Variants in SEC24B observed in about 807,000 individuals in gnomAD.
SEC24B encodes SEC24 homolog B, COPII component.
SEC24B carries 45 observed loss-of-function variants against 142.8 expected under a neutral mutation model. The ratio of observed to expected loss-of-function variants is 0.32; its 90% CI spans 0.25 to 0.40. The LOEUF (loss-of-function observed/expected upper bound fraction) is 0.40. Among genes scored for constraint, SEC24B ranks in the 10% least tolerant of loss-of-function variants. SEC24B has a pLI of 1.00. For missense variants in SEC24B, 1,409 were observed against 1,526.8 expected (o/e 0.92, Z 1.29); for synonymous variants, 574 against 568.2 (o/e 1.01, Z -0.15).
intron 10 of SEC24B, among the ~76,000 whole-genome samples, chr4:109,516,078 C>T (rs1722831328): frequency 6.6e-6 from 1 of 152,070 alleles, no homozygotes; most frequent in Non-Finnish European, 1.5e-5. Flanking sequence ...ATAATACCAT[C>T]ACAAGGACTT....
chr4:109,439,947 C>T (rs537382656), intron 1 of SEC24B, among the ~76,000 whole-genome samples: 5 of 151,308 alleles, frequency 3.3e-5, no homozygotes, highest in African/African-American at 1.2e-4. Context: ...AGGATGAAAC[C>T]CGTCTCTACT....
At chr4:109,482,973 T>TACAC (rs1243190224) in intron 4 of SEC24B, among the ~76,000 whole-genome samples, 2 of 61,414 alleles carry the variant, frequency 3.3e-5, no homozygotes, top group East Asian at 3.8e-4. Flanking sequence ...TATATATATA[T>TACAC]ATATATACAC....
At position 109,540,205 on chromosome 4, in the gene SEC24B, AT is replaced by A. The variant is rs1726036676; in HGVS notation, c.*531del. ...TTCAGTACATGAACTATAGAAAAAA[AT>A]CTATATATAATGTACATAAATGTTA... On this transcript the variant is annotated 3_prime_UTR_variant, in exon 24 of 24. Transcript: ENST00000265175. 6.5e-6 allele frequency: 1 copy of A among 152,774 alleles called. No individual in the cohort carries two copies. The highest frequency in any genetic ancestry group is 1.5e-5 in the Non-Finnish European group (1 of 68,146). The allele number at this position is 152,774 out of a possible 1,614,324, so 9.5% of individuals were successfully genotyped here.
At chr4:109,449,957 G>T (rs1729890686) in intron 1 of SEC24B, among the ~76,000 whole-genome samples, 1 of 152,084 alleles carries the variant, frequency 6.6e-6, no homozygotes, top group Non-Finnish European at 1.5e-5. Context: ...GCTCACACCT[G>T]TAATCTCAGC....
intron 9 of SEC24B, 41 bp downstream of exon 9, chr4:109,512,124 A>AG (rs750182268): frequency 2.2e-5 from 34 of 1,524,322 alleles, no homozygotes; most frequent in South Asian, 3.7e-5. Flanking sequence ...TCCTATTTTC[A>AG]GGTTTTTTTT....
rs1725814548 is a variant in SEC24B at position 109,538,589 on chromosome 4, A to G, written c.3685A>G (p.Ile1229Val). Residue 1229 changes from isoleucine (I) to valine (V), a missense_variant, in exon 23 of 24, where the codon ATA (isoleucine) becomes GTA (valine). Physicochemically the swap from Ile to Val is conservative, Grantham distance 29. Transcript: ENST00000265175. ...DSRPLSPILHIVKDESPAKAE... is the reference protein window; with the variant it reads ...DSRPLSPILHVVKDESPAKAE... ...CAGACCATTAAGTCCAATCCTTCAC[A>G]TAGTAAAGTAAGTACTTTTGTAACT... 6.3e-7 allele frequency: 1 copy of G among 1,577,688 alleles called. No homozygotes were observed. Among genetic ancestry groups the G allele is most frequent in the Non-Finnish European group, 8.7e-7 (1 of 1,146,960 alleles).
chr4:109,521,442 C>T lies in SEC24B; in HGVS notation c.2324C>T (p.Ala775Val). ...CAGCTTATAAAAGACTTACTGAATG[C>T]ATTACCAAACATGTTCACCAATACA... is the stretch of plus-strand genomic sequence containing the variant. ...SKELIKDLLNALPNMFTNTRE... is the reference protein window; with the variant it reads ...SKELIKDLLNVLPNMFTNTRE... The change falls in exon 14 of 24, where the codon GCA becomes GTA. Residue 775 changes from alanine (A) to valine (V), a missense_variant. Around this residue, in one of 2 missense-constraint regions of SEC24B, gnomAD observed 700 missense variants for 853.3 expected, o/e 0.82. Coordinates refer to ENST00000265175, the MANE Select transcript of SEC24B (RefSeq NM_006323.5). The T allele has an allele frequency of 6.8e-6, 11 of 1,613,810 alleles. No individual in the cohort carries two copies. Among genetic ancestry groups the T allele is most frequent in the Non-Finnish European group, 9.3e-6 (11 of 1,179,794 alleles).
chr4:109,444,470 T>A (rs1729246623), intron 1 of SEC24B, among the ~76,000 whole-genome samples: 1 of 121,166 alleles, frequency 8.3e-6, no homozygotes, highest in South Asian at 2.7e-4. Flanking sequence ...AGAGATCCTG[T>A]GATTTTTTTT....
chr4:109,500,321 A>G (rs1345909170), intron 6 of SEC24B, among the ~76,000 whole-genome samples: 1 of 152,106 alleles, frequency 6.6e-6, no homozygotes, highest in Non-Finnish European at 1.5e-5. Flanking sequence ...AGGTGGGTGG[A>G]TCACCTGAGG....
rs761440185 is a variant in SEC24B at position 109,463,282 on chromosome 4, C to T, written c.515C>T (p.Ala172Val). Reference protein sequence around the residue: ...PAMYSASSSVASQGFPSTCGH... With the variant: ...PAMYSASSSVVSQGFPSTCGH... ...ATGTACTCTGCCAGCTCTTCTGTTGCGTCTCAGGGATTTCCCTCTACTTGT... is the reference window on the plus strand; with the variant it reads ...ATGTACTCTGCCAGCTCTTCTGTTGTGTCTCAGGGATTTCCCTCTACTTGT... Residue 172 changes from alanine (A) to valine (V), a missense_variant, in exon 2 of 24, where the codon GCG becomes GTG. Ala to Val is a moderately conservative substitution (Grantham distance 64, BLOSUM62 0). This residue lies in a region of SEC24B where 709 missense variants were observed against 673.5 expected (regional missense o/e 1.05). Transcript: ENST00000265175. The T allele has an allele frequency of 1.5e-5, 24 of 1,614,162 alleles. No individual in the cohort carries two copies. The highest frequency in any genetic ancestry group is 1.8e-5 in the Non-Finnish European group (21 of 1,180,030).
chr4:109,506,221 A>G, intron 6 of SEC24B, 107 bp from the exon 7 acceptor site: 2 of 774,162 alleles, frequency 2.6e-6, no homozygotes, highest in Non-Finnish European at 3.6e-6. Flanking sequence ...CCAGATTTAA[A>G]TTTTCTTACC....
intron 14 of SEC24B, among the ~76,000 whole-genome samples, chr4:109,523,931 C>T (rs879398434): frequency 2.6e-5 from 4 of 152,060 alleles, no homozygotes; most frequent in Non-Finnish European, 5.9e-5. Flanking sequence ...CCATATTTCA[C>T]CCTTTATAGA....
intron 1 of SEC24B, among the ~76,000 whole-genome samples, chr4:109,456,660 G>A (rs181266673): frequency 6.6e-6 from 1 of 152,098 alleles, no homozygotes; most frequent in Admixed American, 6.5e-5. Context: ...TGATTATGTG[G>A]CTTTTTCTTA....
chr4:109,466,590 T>G (rs1578816086), intron 2 of SEC24B, among the ~76,000 whole-genome samples: 1 of 152,158 alleles, frequency 6.6e-6, no homozygotes, highest in East Asian at 1.9e-4. Flanking sequence ...TTTTATATTT[T>G]TAGTAGAGAC....
chr4:109,496,791 A>G (rs1056177356), intron 6 of SEC24B, among the ~76,000 whole-genome samples: 2 of 152,226 alleles, frequency 1.3e-5, no homozygotes, highest in Non-Finnish European at 2.9e-5. Flanking sequence ...CCATTTTGCT[A>G]GATTTTCTTT....
chr4:109,493,947 C>T (rs1267971499), intron 5 of SEC24B, among the ~76,000 whole-genome samples: 1 of 152,080 alleles, frequency 6.6e-6, no homozygotes, highest in Non-Finnish European at 1.5e-5. Context: ...GCAAATAATG[C>T]ATATTTTTAG....
Position 109,433,815 on chromosome 4 carries a change from C to T in SEC24B, c.-55C>T. 1 of 1,225,522 alleles carries T rather than the reference C, an allele frequency of 8.2e-7. No homozygotes were observed. Among genetic ancestry groups the T allele is most frequent in the Non-Finnish European group, 1.0e-6 (1 of 980,076 alleles). 75.9% of individuals were successfully genotyped at this position (1,225,522 alleles called of 1,614,324 possible). On this transcript the variant is annotated 5_prime_UTR_variant, in exon 1 of 24. Coordinates refer to ENST00000265175, the MANE Select transcript of SEC24B (RefSeq NM_006323.5). The stretch of plus-strand genomic sequence containing the variant: ...CCTCTCTCCTCTCCGGCCCCGCCTT[C>T]CCTTCCCTCCGCCCACCTCCCTGAA...
chr4:109,521,349 A>G lies in SEC24B; in HGVS notation c.2302-71A>G, dbSNP rs879918931. On this transcript the variant is annotated intron_variant, in intron 13 of 23. Coordinates refer to ENST00000265175, the MANE Select transcript of SEC24B (RefSeq NM_006323.5). ...GAAATACAGTGACACATGATACACTATGGAATGTTTTAAAATAAGATTATT... is the reference window on the plus strand; with the variant it reads ...GAAATACAGTGACACATGATACACTGTGGAATGTTTTAAAATAAGATTATT... 3.8e-6 allele frequency: 5 copies of G among 1,321,202 alleles called. No individual in the cohort carries two copies. The African/African-American group carries it at 4.4e-5, about 12-fold the overall frequency. The allele number at this position is 1,321,202 out of a possible 1,614,324, so 81.8% of individuals were successfully genotyped here.
chr4:109,488,121 C>T (rs1032811999), intron 4 of SEC24B, among the ~76,000 whole-genome samples: 2 of 152,008 alleles, frequency 1.3e-5, no homozygotes, highest in Non-Finnish European at 2.9e-5. Context: ...AAATAATTCA[C>T]ATACCATAAA....
Sources: allele counts gnomAD v4.1 joint callset (sites outside exome capture counted in the v4.1 genomes callset), GRCh38; gene constraint gnomAD v4.1.1; regional missense constraint gnomAD v4.1.1; transcripts MANE v1.5; gene names NCBI Gene and HGNC (gene_info 2026-07-23, HGNC 2026-07-21).